The following SLC2A1 variants were observed in gnomAD, a reference collection of about 807,000 sequenced individuals.
SLC2A1 encodes solute carrier family 2 member 1.
In SLC2A1, 4 loss-of-function variants were observed where a neutral mutation model predicts 46.6. The observed-to-expected ratio is 0.09, with a 90% CI of 0.04 to 0.20. The LOEUF is 0.20. Ranked by LOEUF, SLC2A1 falls within the 10% of genes least tolerant of loss-of-function variation. The pLI is 1.00. For missense variants in SLC2A1, 352 were observed against 667.0 expected, an observed-to-expected ratio of 0.53 and a Z score of 5.20; for synonymous variants, 253 against 270.0, an observed-to-expected ratio of 0.94 and a Z score of 0.62.
At chr1:42,942,493 C>T (rs2124461050) in intron 2 of SLC2A1, among the ~76,000 whole-genome samples, 1 of 151,022 alleles carries the variant, frequency 6.6e-6, no homozygotes, top group East Asian at 1.9e-4. Flanking sequence ...CCCATCCTGA[C>T]ATTCAAGTAA....
intron 1 of SLC2A1, 83 bp downstream of exon 1, chr1:42,958,551 C>A: frequency 8.3e-7 from 1 of 1,205,140 alleles, no homozygotes; most frequent in South Asian, 1.7e-5. Context: ...AGCGGGGCGG[C>A]GGGGGAGGCC....
intron 1 of SLC2A1, among the ~76,000 whole-genome samples, chr1:42,948,450 C>T (rs955154301): frequency 6.6e-6 from 1 of 152,188 alleles, no homozygotes. Context: ...CCATCTTGTC[C>T]TCTTCCCACA....
At chr1:42,942,744 C>T (rs1025122757) in intron 2 of SLC2A1, among the ~76,000 whole-genome samples, 3 of 151,936 alleles carry the variant, frequency 2.0e-5, no homozygotes, top group Non-Finnish European at 4.4e-5. Flanking sequence ...TCTGACTTAG[C>T]TGGGTGATAT....
intron 1 of SLC2A1, among the ~76,000 whole-genome samples, chr1:42,948,221 C>G (rs867202679): frequency 1.3e-5 from 2 of 152,232 alleles, no homozygotes; most frequent in Admixed American, 1.3e-4. Flanking sequence ...CCCCAACGCT[C>G]GGATGCCAGA....
chr1:42,945,823 G>A (rs951141650), intron 1 of SLC2A1, among the ~76,000 whole-genome samples: 2 of 152,142 alleles, frequency 1.3e-5, no homozygotes, highest in Admixed American at 6.6e-5. Context: ...GGTGACTGGG[G>A]ACAGGGTGAA....
chr1:42,928,951 G>A lies in SLC2A1; in HGVS notation c.1055C>T (p.Thr352Ile), dbSNP rs531005993. 1 of 1,613,954 alleles carries A rather than the reference G, an allele frequency of 6.2e-7. No homozygotes were observed. Among genetic ancestry groups the A allele is most frequent in the African/African-American group, 1.3e-5 (1 of 75,072 alleles). ...AGMAGCAILMTIALALLEQLP... is the reference protein window; with the variant it reads ...AGMAGCAILMIIALALLEQLP... ...ACTCACCAGCAGTGCTAGCGCGATG[G>A]TCATGAGTATGGCACAACCCGCCAT... The change falls in exon 8 of 10, where the codon ACC (threonine) becomes ATC (isoleucine). Residue 352 changes from threonine (T) to isoleucine (I), a missense_variant. Thr to Ile is a moderately conservative substitution (Grantham distance 89, BLOSUM62 -1). Transcript: ENST00000426263.
In SLC2A1 at chr1:42,926,488, A is replaced by G. The variant is rs1643427548; in HGVS notation, c.*553T>C. The G allele has an allele frequency of 3.7e-6, 1 of 269,350 alleles. No homozygotes were observed. The highest frequency in any genetic ancestry group is 7.6e-6 in the Non-Finnish European group (1 of 132,314). 16.7% of individuals were successfully genotyped at this position (269,350 alleles called of 1,614,324 possible). A position where few individuals can be genotyped will look rare whatever the true frequency, so the allele number is the denominator to read the frequency against. On this transcript the variant is annotated 3_prime_UTR_variant, in exon 10 of 10. Coordinates refer to ENST00000426263, the MANE Select transcript of SLC2A1 (RefSeq NM_006516.4). ...CCCAACTGGTCTCAGGTAAAGAAAGATTAATTTGAGTGGTTGGGTAGGAAG... is the reference window on the plus strand; with the variant it reads ...CCCAACTGGTCTCAGGTAAAGAAAGGTTAATTTGAGTGGTTGGGTAGGAAG...
At chr1:42,934,600 C>T (rs1289710588) in intron 2 of SLC2A1, among the ~76,000 whole-genome samples, 1 of 152,144 alleles carries the variant, frequency 6.6e-6, no homozygotes, top group Non-Finnish European at 1.5e-5. Flanking sequence ...GGGGTCACAT[C>T]CTCCCTAGAA....
rs1029638232 is a variant in SLC2A1, at chr1:42,925,584, T to G, written c.*1457A>C. The G allele has an allele frequency of 2.0e-5, 3 of 152,204 alleles. No individual in the cohort carries two copies. Among genetic ancestry groups the G allele is most frequent in the African/African-American group, 7.2e-5 (3 of 41,432 alleles). The allele number at this position is 152,204 out of a possible 1,614,324, so 9.4% of individuals were successfully genotyped here. On this transcript the variant is annotated 3_prime_UTR_variant, in exon 10 of 10. Transcript: ENST00000426263. ...GGGTGAAGGAGGAGGATGAGCTGTC[T>G]TTAGAGATGAAGCAGTAGTATACAG...
intron 1 of SLC2A1, among the ~76,000 whole-genome samples, chr1:42,945,744 AAAAAAAAAAC>A (rs1490536216): frequency 5.6e-5 from 6 of 107,522 alleles, no homozygotes; most frequent in South Asian, 2.7e-4. Flanking sequence ...GTCTCAAAAA[AAAAAAAAAAC>A]AAAAAACAAA....
In SLC2A1 at chr1:42,930,086, C is replaced by T. The variant is rs1483951606; in HGVS notation, c.517-51G>A. ...CCTCTGCCCTGACCCCCTTTCCCACCCCGTCCTGCCAGAGTGGCCTTCCCT... is the reference window on the plus strand; with the variant it reads ...CCTCTGCCCTGACCCCCTTTCCCACTCCGTCCTGCCAGAGTGGCCTTCCCT... On this transcript the variant is annotated intron_variant, in intron 4 of 9. Coordinates refer to ENST00000426263, the MANE Select transcript of SLC2A1 (RefSeq NM_006516.4). This position sits in a 1 kb window ranked among gnomAD's most constrained non-coding sequence, Gnocchi z 6.2. 1.2e-6 allele frequency: 2 copies of T among 1,605,222 alleles called. No individual in the cohort carries two copies. Among genetic ancestry groups the T allele is most frequent in the African/African-American group, 2.7e-5 (2 of 74,826 alleles).
At chr1:42,948,543 G>A (rs1326833002) in intron 1 of SLC2A1, among the ~76,000 whole-genome samples, 1 of 152,164 alleles carries the variant, frequency 6.6e-6, no homozygotes, top group African/African-American at 2.4e-5. Context: ...CAAAGGAGTG[G>A]GGGAGGGGTT....
intron 1 of SLC2A1, among the ~76,000 whole-genome samples, chr1:42,956,407 C>CAAAAAAAAAAAAAAAAAA (rs71577684): frequency 1.3e-4 from 6 of 44,534 alleles, no homozygotes; most frequent in African/African-American, 5.3e-4. Context: ...ACTAAAACTA[C>CAAAAAAAAAAAAAAAAAA]AAAAAAAAAA....
At chr1:42,956,803 T>C (rs887208905) in intron 1 of SLC2A1, among the ~76,000 whole-genome samples, 1 of 152,174 alleles carries the variant, frequency 6.6e-6, no homozygotes, top group Non-Finnish European at 1.5e-5. Context: ...TCAAGAAATG[T>C]TGTGGTGAAG....
chr1:42,947,078 G>A (rs1371464590), intron 1 of SLC2A1, among the ~76,000 whole-genome samples: 2 of 152,162 alleles, frequency 1.3e-5, no homozygotes, highest in South Asian at 2.1e-4. Context: ...AGCTACCCTC[G>A]ATCGGGCAGC....
In SLC2A1 at chr1:42,930,399, T is replaced by G; in HGVS notation, c.516+227A>C. 1.4e-6 allele frequency: 1 copy of G among 725,154 alleles called. No individual in the cohort carries two copies. Among genetic ancestry groups the G allele is most frequent in the Admixed American group, 2.1e-5 (1 of 47,536 alleles). The allele number at this position is 725,154 out of a possible 1,614,324, so 44.9% of individuals were successfully genotyped here. On this transcript the variant is annotated intron_variant, in intron 4 of 9. Transcript: ENST00000426263. This position sits in a 1 kb window ranked among gnomAD's most constrained non-coding sequence, Gnocchi z 6.2. ...TGTTGGGGGAAGGCGGGCCCTGTGG[T>G]TGGAAGCCTAGAGTGAGAAGAAAGG...
rs758919432 is a variant in SLC2A1, at chr1:42,929,669, C to T, written c.791G>A (p.Arg264His). ...GATGGGCTGGCGGTAGGCGGGGGAG[C>T]GGAACAGCTCCAGGATGGTGACCTT... ...EKKVTILELF[R>H]SPAYRQPILI... is the part of the protein sequence containing the mutation. Residue 264 changes from arginine to histidine, a missense_variant, in exon 6 of 10, where the codon CGC becomes CAC. Physicochemically the swap from Arg to His is conservative, Grantham distance 29. This residue lies in a region of SLC2A1 where 167 missense variants were observed against 280.8 expected (regional missense o/e 0.59). Coordinates refer to ENST00000426263, the MANE Select transcript of SLC2A1 (RefSeq NM_006516.4). The surrounding 1 kb of genome is among the most constrained non-coding windows in gnomAD (Gnocchi z 6.0). The T allele has an allele frequency of 4.3e-6, 7 of 1,613,600 alleles. No homozygotes were observed. The highest frequency in any genetic ancestry group is 5.9e-6 in the Non-Finnish European group (7 of 1,179,942).
At position 42,930,040 on chromosome 1, in the gene SLC2A1, G is replaced by C. The variant is rs1478610634; in HGVS notation, c.517-5C>G. 3 of 1,613,688 alleles carry C rather than the reference G, an allele frequency of 1.9e-6. No individual in the cohort carries two copies. Among genetic ancestry groups the C allele is most frequent in the African/African-American group, 2.7e-5 (2 of 74,912 alleles). ...GATGGAGTCCAGGCCGAACACCTGGGGGAAGCAGGGGCCGTGAGCGCCTCT... is the reference window on the plus strand; with the variant it reads ...GATGGAGTCCAGGCCGAACACCTGGCGGAAGCAGGGGCCGTGAGCGCCTCT... On this transcript the variant is annotated splice_polypyrimidine_tract_variant and splice_region_variant and intron_variant, in intron 4 of 9. Coordinates refer to ENST00000426263, the MANE Select transcript of SLC2A1 (RefSeq NM_006516.4). The surrounding 1 kb of genome is among the most constrained non-coding windows in gnomAD (Gnocchi z 6.2).
intron 2 of SLC2A1, among the ~76,000 whole-genome samples, chr1:42,934,180 CCACCCTGAGTTA>C (rs892866987): frequency 1.3e-5 from 2 of 152,156 alleles, no homozygotes; most frequent in African/African-American, 4.8e-5. Flanking sequence ...GACCAGAGCT[CCACCCTGAGTTA>C]CGTCTCCTGC....
Sources: gnomAD v4.1 joint callset for allele counts (sites outside exome capture counted in the v4.1 genomes callset) on GRCh38, gnomAD v4.1.1 for gene constraint, gnomAD v4.1.1 regional missense constraint, Gnocchi (gnomAD v3.1) non-coding constraint, MANE v1.5 for transcripts, NCBI Gene and HGNC (gene_info 2026-07-23, HGNC 2026-07-21) for gene names.